CDH12: variants seen among roughly 807,000 people sequenced by gnomAD.
The protein encoded by CDH12 is cadherin-12.
In CDH12, 41 loss-of-function variants were observed where a neutral mutation model predicts 74.1. The ratio of observed to expected loss-of-function variants is 0.55; its 90% CI spans 0.43 to 0.72. The LOEUF (loss-of-function observed/expected upper bound fraction) is 0.72, where lower values mean the gene tolerates loss of function less well. Ranked by LOEUF, CDH12 falls within the 30% of genes least tolerant of loss-of-function variation. The pLI, the probability that CDH12 is intolerant of heterozygous loss-of-function variation, is 0.00. For synonymous variants in CDH12, 399 were observed against 355.0 expected (o/e 1.12, Z -1.39); for missense variants, 945 against 977.2 (o/e 0.97, Z 0.44).
chr5:22,184,350 A>G (rs1189604948), intron 4 of CDH12, among the ~76,000 whole-genome samples: 1 of 152,196 alleles, frequency 6.6e-6, no homozygotes, highest in Non-Finnish European at 1.5e-5. Context: ...AAAAATATAT[A>G]TTGTGTAAAT....
chr5:22,699,098 A>C (rs6882337), intron 1 of CDH12, among the ~76,000 whole-genome samples: 99,128 of 151,848 alleles, frequency 0.65, 32,524 homozygotes, highest in Admixed American at 0.72. Flanking sequence ...CATAGTTCTT[A>C]TCATGTGAAT....
intron 4 of CDH12, among the ~76,000 whole-genome samples, chr5:22,147,751 G>A (rs1747298255): frequency 1.3e-5 from 2 of 152,162 alleles, no homozygotes; most frequent in Admixed American, 6.5e-5. Context: ...CAGATCTCCT[G>A]AGACTTATTC....
chr5:22,016,452 G>A (rs1737614088), intron 5 of CDH12, among the ~76,000 whole-genome samples: 1 of 151,962 alleles, frequency 6.6e-6, no homozygotes, highest in South Asian at 2.1e-4. Context: ...CTAGAGTGCA[G>A]TGGTGCAATC....
At chr5:22,023,853 T>A (rs1259899005) in intron 5 of CDH12, among the ~76,000 whole-genome samples, 1 of 152,168 alleles carries the variant, frequency 6.6e-6, no homozygotes, top group Non-Finnish European at 1.5e-5. Flanking sequence ...GTAACCCAAG[T>A]TAGAGCCAAA....
intron 3 of CDH12, among the ~76,000 whole-genome samples, chr5:22,363,740 CT>C (rs1561346104): frequency 6.6e-6 from 1 of 152,116 alleles, no homozygotes; most frequent in African/African-American, 2.4e-5. Flanking sequence ...AAAAATGCAT[CT>C]TTGGGAAGTA....
intron 10 of CDH12, among the ~76,000 whole-genome samples, chr5:21,790,295 C>T (rs1273391453): frequency 1.3e-5 from 2 of 151,998 alleles, no homozygotes; most frequent in Admixed American, 6.6e-5. Flanking sequence ...AATTCAAAGA[C>T]TTACATAATA....
chr5:22,802,729 A>G (rs1248370012), intron 1 of CDH12, among the ~76,000 whole-genome samples: 1 of 152,166 alleles, frequency 6.6e-6, no homozygotes, highest in East Asian at 1.9e-4. Flanking sequence ...TGGCTACCAG[A>G]CCAGGTAAGT....
At chr5:22,412,009 T>A (rs958573786) in intron 2 of CDH12, among the ~76,000 whole-genome samples, 2 of 152,056 alleles carry the variant, frequency 1.3e-5, no homozygotes, top group African/African-American at 4.8e-5. Context: ...ATGTGCAATG[T>A]GCTTTTAAAG....
intron 1 of CDH12, among the ~76,000 whole-genome samples, chr5:22,602,785 TG>T (rs991820619): frequency 1.3e-5 from 2 of 152,170 alleles, no homozygotes; most frequent in African/African-American, 2.4e-5. Flanking sequence ...CATTTTGTGA[TG>T]CCAGTTCCTT....
chr5:22,052,064 G>T (rs1740409413), intron 5 of CDH12, among the ~76,000 whole-genome samples: 1 of 152,032 alleles, frequency 6.6e-6, no homozygotes, highest in African/African-American at 2.4e-5. Context: ...AAACATGTGG[G>T]TCACAGTTTT....
chr5:22,567,206 T>C (rs976234010), intron 1 of CDH12, among the ~76,000 whole-genome samples: 1 of 152,092 alleles, frequency 6.6e-6, no homozygotes, highest in Non-Finnish European at 1.5e-5. Flanking sequence ...CACACCATTA[T>C]CCCAAGGTTT....
intron 1 of CDH12, among the ~76,000 whole-genome samples, chr5:22,751,617 C>A (rs1451987131): frequency 6.6e-6 from 1 of 151,790 alleles, no homozygotes; most frequent in African/African-American, 2.4e-5. Context: ...TTTCTATATC[C>A]ATTTAGGAGG....
intron 5 of CDH12, among the ~76,000 whole-genome samples, chr5:22,001,653 C>T (rs1736608832): frequency 1.3e-5 from 2 of 152,072 alleles, no homozygotes; most frequent in South Asian, 2.1e-4. Context: ...CCTCTGCCCT[C>T]GAGTAGGCCC....
intron 4 of CDH12, among the ~76,000 whole-genome samples, chr5:22,153,889 A>ATAAAAAT (rs1561168560): frequency 7.1e-5 from 3 of 42,060 alleles, no homozygotes; most frequent in African/African-American, 1.9e-4. Flanking sequence ...TATATATATA[A>ATAAAAAT]ATATATATAT....
intron 3 of CDH12, among the ~76,000 whole-genome samples, chr5:22,376,907 A>C (rs2126366777): frequency 6.6e-6 from 1 of 152,260 alleles, no homozygotes; most frequent in African/African-American, 2.4e-5. Flanking sequence ...ATGAAAAAGT[A>C]AATAAATATA....
chr5:22,724,218 T>C (rs1052971528), intron 1 of CDH12, among the ~76,000 whole-genome samples: 4 of 151,170 alleles, frequency 2.6e-5, no homozygotes, highest in African/African-American at 9.7e-5. Context: ...TTTTTAAAGA[T>C]ATTATTTTTA....
intron 3 of CDH12, among the ~76,000 whole-genome samples, chr5:22,382,506 A>G (rs1175295867): frequency 7.9e-5 from 12 of 151,564 alleles, no homozygotes; most frequent in Admixed American, 7.9e-4. Flanking sequence ...TTCAAGACTT[A>G]GATTTCTCAG....
At chr5:22,365,391 G>C (rs1282177869) in intron 3 of CDH12, among the ~76,000 whole-genome samples, 1 of 152,118 alleles carries the variant, frequency 6.6e-6, no homozygotes, top group Admixed American at 6.6e-5. Context: ...AATTTTGACA[G>C]AGATATTCAC....
At chr5:22,529,188 T>TATATATATAGAGAGAGAG (rs1395904979) in intron 1 of CDH12, among the ~76,000 whole-genome samples, 1 of 84,522 alleles carries the variant, frequency 1.2e-5, no homozygotes, top group African/African-American at 4.1e-5. Flanking sequence ...TATATATATA[T>TATATATATAGAGAGAGAG]AGAGAGAGAG....
Sources: gnomAD v4.1 joint callset for allele counts (sites outside exome capture counted in the v4.1 genomes callset) on GRCh38, gnomAD v4.1.1 for gene constraint, MANE v1.5 for transcripts, NCBI Gene and HGNC (gene_info 2026-07-23, HGNC 2026-07-21) for gene names.